Variants in QTMAN observed in about 807,000 individuals in gnomAD.
QTMAN encodes tRNA-queuosine alpha-mannosyltransferase.
the QTMAN span, among the ~76,000 whole-genome samples, chr2:144,013,833 A>T: frequency 8.3e-4 from 127 of 152,312 alleles, no homozygotes; most frequent in African/African-American, 2.9e-3. Context: ...TTAATTATAA[A>T]ATTAACATTT....
the QTMAN span, among the ~76,000 whole-genome samples, chr2:144,059,817 CT>C: frequency 2.6e-5 from 4 of 152,146 alleles, no homozygotes. Context: ...GCTCGTCCCC[CT>C]ATTGGCCTTC....
the QTMAN span, among the ~76,000 whole-genome samples, chr2:143,983,461 T>G: frequency 3.8e-4 from 58 of 151,182 alleles, no homozygotes; most frequent in African/African-American, 1.4e-3. Context: ...AATGTGTCAT[T>G]TTTGAGGTTT....
chr2:144,224,137 G>T, the QTMAN span, among the ~76,000 whole-genome samples: 2 of 152,176 alleles, frequency 1.3e-5, no homozygotes, highest in South Asian at 4.1e-4. Context: ...GATATGCTTG[G>T]CATTCAAATG....
chr2:144,316,410 CA>C, the QTMAN span, among the ~76,000 whole-genome samples: 1 of 152,140 alleles, frequency 6.6e-6, no homozygotes, highest in Non-Finnish European at 1.5e-5. Context: ...CCCTGCATCC[CA>C]AAATGTTTGG....
the QTMAN span, among the ~76,000 whole-genome samples, chr2:144,184,805 T>C: frequency 2.6e-5 from 4 of 152,148 alleles, no homozygotes; most frequent in African/African-American, 7.2e-5. Flanking sequence ...GCTCCCTATA[T>C]AGGTATAACT....
At chr2:144,244,427 C>T in the QTMAN span, among the ~76,000 whole-genome samples, 1 of 152,198 alleles carries the variant, frequency 6.6e-6, no homozygotes, top group Non-Finnish European at 1.5e-5. Context: ...TGCAAAACAT[C>T]TGACAGAATA....
the QTMAN span, among the ~76,000 whole-genome samples, chr2:144,103,167 A>AACACATTT: frequency 6.6e-6 from 1 of 152,238 alleles, no homozygotes; most frequent in African/African-American, 2.4e-5. Context: ...ACCCCTTACT[A>AACACATTT]ACACATTTTT....
chr2:144,014,077 G>T, the QTMAN span, among the ~76,000 whole-genome samples: 2 of 152,138 alleles, frequency 1.3e-5, no homozygotes, highest in Non-Finnish European at 2.9e-5. Flanking sequence ...TTTAAAATGA[G>T]ATGTTTGGAG....
chr2:144,234,605 A>G, the QTMAN span, among the ~76,000 whole-genome samples: 1 of 152,192 alleles, frequency 6.6e-6, no homozygotes, highest in Non-Finnish European at 1.5e-5. Flanking sequence ...CCAAACGTCT[A>G]CTAGTCCTTT....
the QTMAN span, among the ~76,000 whole-genome samples, chr2:144,193,625 A>G: frequency 6.6e-6 from 1 of 151,840 alleles, no homozygotes; most frequent in Non-Finnish European, 1.5e-5. Flanking sequence ...GGCTCAAGTG[A>G]TCGTCCCACC....
chr2:143,984,799 A>C, the QTMAN span, among the ~76,000 whole-genome samples: 1 of 152,168 alleles, frequency 6.6e-6, no homozygotes, highest in Non-Finnish European at 1.5e-5. Context: ...GGGATGGCTG[A>C]GCTCCAGGGA....
the QTMAN span, among the ~76,000 whole-genome samples, chr2:144,032,454 C>T: frequency 6.6e-6 from 1 of 152,072 alleles, no homozygotes; most frequent in Non-Finnish European, 1.5e-5. Flanking sequence ...AACTTTGTTC[C>T]AAAGGATAAA....
the QTMAN span, among the ~76,000 whole-genome samples, chr2:144,065,054 TG>T: frequency 6.6e-6 from 1 of 152,202 alleles, no homozygotes; most frequent in African/African-American, 2.4e-5. Flanking sequence ...CAGAATGTGG[TG>T]GGCTAAGGCC....
At chr2:144,165,025 T>G in the QTMAN span, among the ~76,000 whole-genome samples, 9 of 152,160 alleles carry the variant, frequency 5.9e-5, no homozygotes, top group Admixed American at 3.3e-4. Flanking sequence ...AAGACTTTGG[T>G]TGGGTTCATA....
the QTMAN span, among the ~76,000 whole-genome samples, chr2:144,132,179 C>CT: frequency 6.6e-6 from 1 of 151,842 alleles, no homozygotes; most frequent in Non-Finnish European, 1.5e-5. Context: ...AAATAACAAA[C>CT]TTTTAATAGA....
the QTMAN span, among the ~76,000 whole-genome samples, chr2:144,095,428 G>A: frequency 6.6e-6 from 1 of 152,080 alleles, no homozygotes; most frequent in South Asian, 2.1e-4. Flanking sequence ...ATTCTAATGA[G>A]CTACTTTAGG....
the QTMAN span, among the ~76,000 whole-genome samples, chr2:144,262,300 T>C: frequency 6.6e-6 from 1 of 152,118 alleles, no homozygotes; most frequent in Non-Finnish European, 1.5e-5. Context: ...TTCAAGATGC[T>C]GTTCTTACCG....
chr2:144,307,146 C>T, the QTMAN span, among the ~76,000 whole-genome samples: 148 of 101,824 alleles, frequency 1.5e-3, no homozygotes, highest in Middle Eastern at 0.011. Context: ...GGTGACAGAG[C>T]GAGACTCCGT....
At chr2:144,140,642 G>A in the QTMAN span, among the ~76,000 whole-genome samples, 1 of 151,984 alleles carries the variant, frequency 6.6e-6, no homozygotes, top group African/African-American at 2.4e-5. Context: ...TAGCTTTATA[G>A]TTTTCAAAAC....
Sources: gnomAD v4.1 joint callset for allele counts (sites outside exome capture counted in the v4.1 genomes callset) on GRCh38, gnomAD v4.1.1 for gene constraint, MANE v1.5 for transcripts, NCBI Gene and HGNC (gene_info 2026-07-23, HGNC 2026-07-21) for gene names.